Variants in KLHL1 observed in about 807,000 individuals in gnomAD.
The protein encoded by KLHL1 is kelch-like protein 1.
In KLHL1, 47 loss-of-function variants were observed where a neutral mutation model predicts 77.7. That is an observed-to-expected ratio of 0.60 (90% CI 0.48 to 0.77). KLHL1 has a LOEUF of 0.77. KLHL1 is among the 30% of genes least tolerant of loss of function. KLHL1 has a pLI of 0.00. For missense variants in KLHL1, 925 were observed against 910.8 expected (o/e 1.02, Z -0.20); for synonymous variants, 360 against 325.2 (o/e 1.11, Z -1.15).
intron 1 of KLHL1, among the ~76,000 whole-genome samples, chr13:70,022,056 A>C (rs1885813178): frequency 6.6e-6 from 1 of 151,638 alleles, no homozygotes; most frequent in Admixed American, 6.6e-5. Context: ...ACATTGCCAA[A>C]CCCAAAGTCA....
In KLHL1 at chr13:69,839,094, T is replaced by G. The variant is rs1879141626; in HGVS notation, c.1296A>C (p.Glu432Asp). Residue 432 changes from glutamate to aspartate, a missense_variant, in exon 6 of 11, where the codon GAA becomes GAC. Transcript: ENST00000377844. ...NDLECQKLIL[E>D]AMKYHLLPER... ...CTGGCAATAGATGGTATTTCATTGC[T>G]TCTAGAATCAGCTTTTGACATTCCA... 1 of 1,608,798 alleles carries G rather than the reference T, an allele frequency of 6.2e-7. No homozygotes were observed. The highest frequency in any genetic ancestry group is 1.7e-5 in the Admixed American group (1 of 59,462).
At chr13:69,967,427 A>G (rs796284513) in intron 2 of KLHL1, among the ~76,000 whole-genome samples, 16 of 152,316 alleles carry the variant, frequency 1.1e-4, no homozygotes, top group African/African-American at 3.4e-4. Context: ...TTAGAATTAG[A>G]AGTGGAATCT....
chr13:69,790,043 TCTCTTGGTGTTAGCCA>T (rs1876795054), intron 7 of KLHL1, among the ~76,000 whole-genome samples: 1 of 152,014 alleles, frequency 6.6e-6, no homozygotes, highest in Admixed American at 6.6e-5. Context: ...CTATCAAGCT[TCTCTTGGTGTTAGCCA>T]CTTCTGACAC....
rs2138022205 is a variant in KLHL1, at chr13:69,788,893, C to CTAT, written c.1639+7842_1639+7844dup. 2.0e-5 allele frequency among the ~76,000 whole-genome samples: 3 copies of CTAT among 152,166 alleles called. No individual in the cohort carries two copies. The South Asian group carries it at 6.2e-4, about 32-fold the overall frequency. ...TTTTCTGATTTATTAGTTATAAACT[C>CTAT]TATTATTCTAATGATATTACAATGG... On this transcript the variant is annotated intron_variant, in intron 7 of 10. Coordinates refer to ENST00000377844, the MANE Select transcript of KLHL1 (RefSeq NM_020866.3).
intron 9 of KLHL1, among the ~76,000 whole-genome samples, chr13:69,712,996 T>C (rs1427337960): frequency 6.6e-6 from 1 of 151,836 alleles, no homozygotes; most frequent in African/African-American, 2.4e-5. Context: ...TTTATTATTA[T>C]TGTTTTTAAA....
At chr13:69,927,351 G>C (rs560732100) in intron 4 of KLHL1, among the ~76,000 whole-genome samples, 1 of 152,104 alleles carries the variant, frequency 6.6e-6, no homozygotes, top group Non-Finnish European at 1.5e-5. Flanking sequence ...TTGGTTAAAC[G>C]TTCCTTAACT....
chr13:69,728,956 TATAAG>T (rs919594421), intron 8 of KLHL1, among the ~76,000 whole-genome samples: 13 of 152,144 alleles, frequency 8.5e-5, no homozygotes, highest in African/African-American at 3.1e-4. Flanking sequence ...CAAGCCTACT[TATAAG>T]ATGTGTTCAG....
At chr13:70,048,529 T>A (rs1886552753) in intron 1 of KLHL1, among the ~76,000 whole-genome samples, 1 of 152,202 alleles carries the variant, frequency 6.6e-6, no homozygotes, top group South Asian at 2.1e-4. Context: ...CCAAACTTTT[T>A]GACAACAGGG....
At chr13:69,819,475 C>T (rs1047139469) in intron 6 of KLHL1, among the ~76,000 whole-genome samples, 1 of 152,154 alleles carries the variant, frequency 6.6e-6, no homozygotes, top group African/African-American at 2.4e-5. Flanking sequence ...CTTCCCACCA[C>T]ATTCTTATTA....
rs188407220 is a variant in KLHL1, at chr13:69,960,161, T to C, written c.817+1147A>G. On this transcript the variant is annotated intron_variant, in intron 3 of 10. Coordinates refer to ENST00000377844, the MANE Select transcript of KLHL1 (RefSeq NM_020866.3). Reference sequence around the variant, plus strand: ...CTTTTTTTACTGAGTGTTATCTTAGTGTTAGCAAATCCTTCTTCAATATAA... The same window carrying C: ...CTTTTTTTACTGAGTGTTATCTTAGCGTTAGCAAATCCTTCTTCAATATAA... 6.1e-4 allele frequency among the ~76,000 whole-genome samples: 92 copies of C among 149,782 alleles called. 1 individual carries two copies. Among genetic ancestry groups the C allele is most frequent in the African/African-American group, 2.2e-3 (89 of 40,806 alleles).
rs116709909 is a variant in KLHL1 at position 69,728,919 on chromosome 13, G to T, written c.1803-9338C>A. Among the ~76,000 whole-genome samples the T allele has an allele frequency of 8.6e-3, 1,311 of 152,102 alleles. 18 individuals carry two copies. The highest frequency in any genetic ancestry group is 0.03 in the African/African-American group (1,239 of 41,510). On this transcript the variant is annotated intron_variant, in intron 8 of 10. Transcript: ENST00000377844. ...TTATACATTTTGCAGATTCTTAAGG[G>T]GGTGGTACTACATATTTATTAAAAT...
At chr13:70,077,790 T>C (rs1374465490) in intron 1 of KLHL1, among the ~76,000 whole-genome samples, 2 of 152,106 alleles carry the variant, frequency 1.3e-5, no homozygotes, top group East Asian at 3.9e-4. Flanking sequence ...GAGCTGAACA[T>C]TTTAGAAACA....
rs745836877 is a variant in KLHL1, at chr13:69,740,409, G to T, written c.1787C>A (p.Ala596Glu). The T allele has an allele frequency of 1.3e-6, 2 of 1,599,788 alleles. No homozygotes were observed. The highest frequency in any genetic ancestry group is 1.7e-6 in the Non-Finnish European group (2 of 1,170,940). The change falls in exon 8 of 11, where the codon GCA becomes GAA. Residue 596 changes from alanine (A) to glutamate (E), a missense_variant. Ala to Glu is a moderately radical substitution (Grantham distance 107). Coordinates refer to ENST00000377844, the MANE Select transcript of KLHL1 (RefSeq NM_020866.3). ...MSIARSTVGV[A>E]ALNGKLYSVG... ...ATTTACTTACTTGCCATTCAATGCT[G>T]CTACACCAACTGTGCTCCGAGCAAT... is the stretch of plus-strand genomic sequence containing the variant.
intron 3 of KLHL1, among the ~76,000 whole-genome samples, chr13:69,955,726 A>G (rs931287303): frequency 6.6e-6 from 1 of 150,530 alleles, no homozygotes; most frequent in African/African-American, 2.4e-5. Flanking sequence ...CAAATATATT[A>G]TAGTTTTTCT....
At chr13:69,973,996 C>T (rs1401768847) in intron 2 of KLHL1, among the ~76,000 whole-genome samples, 1 of 151,912 alleles carries the variant, frequency 6.6e-6, no homozygotes, top group Admixed American at 6.6e-5. Context: ...TTTCCACAAG[C>T]GTCTTATGAA....
At chr13:69,708,868 A>G (rs1875751539) in intron 9 of KLHL1, among the ~76,000 whole-genome samples, 1 of 152,016 alleles carries the variant, frequency 6.6e-6, no homozygotes, top group African/African-American at 2.4e-5. Context: ...ATAAATTCTT[A>G]GTTTGTTTTC....
intron 1 of KLHL1, among the ~76,000 whole-genome samples, chr13:70,046,632 A>G (rs1405525369): frequency 3.3e-5 from 5 of 151,916 alleles, no homozygotes; most frequent in Non-Finnish European, 5.9e-5. Context: ...GGATTACAGG[A>G]GTGCACCACC....
At chr13:69,777,273 A>G (rs1265025856) in intron 7 of KLHL1, among the ~76,000 whole-genome samples, 1 of 152,120 alleles carries the variant, frequency 6.6e-6, no homozygotes, top group Non-Finnish European at 1.5e-5. Context: ...ATCCATTCTC[A>G]GGTATTTCTT....
chr13:70,081,329 G>C (rs990886469), intron 1 of KLHL1, among the ~76,000 whole-genome samples: 8 of 151,950 alleles, frequency 5.3e-5, no homozygotes, highest in African/African-American at 1.9e-4. Flanking sequence ...CAGAAGTCTG[G>C]GCATGTCTTA....
Sources: allele counts gnomAD v4.1 joint callset (sites outside exome capture counted in the v4.1 genomes callset), GRCh38; gene constraint gnomAD v4.1.1; transcripts MANE v1.5; gene names NCBI Gene and HGNC (gene_info 2026-07-23, HGNC 2026-07-21).